The following VPS11 variants were observed in gnomAD, a reference collection of about 807,000 sequenced individuals.
The protein encoded by VPS11 is vacuolar protein sorting-associated protein 11 homolog.
In VPS11, 51 loss-of-function variants were observed where a neutral mutation model predicts 106.8. That is an observed-to-expected ratio of 0.48 (90% CI 0.38 to 0.60). The LOEUF is 0.60. Ranked by LOEUF, VPS11 falls within the 20% of genes least tolerant of loss-of-function variation. The pLI is 0.00. For missense variants in VPS11, 950 were observed against 1,190.0 expected, an observed-to-expected ratio of 0.80 and a Z score of 2.97; for synonymous variants, 453 against 458.7, an observed-to-expected ratio of 0.99 and a Z score of 0.16.
intron 3 of VPS11, 119 bp downstream of exon 3, chr11:119,069,696 G>C (rs539585479): frequency 1.4e-6 from 2 of 1,429,810 alleles, no homozygotes; most frequent in Non-Finnish European, 1.9e-6. Flanking sequence ...AGGCCTTTGC[G>C]ATATTAAATT....
In VPS11 at chr11:119,075,126, G is replaced by A. The variant is rs570737863; in HGVS notation, c.1238+1175G>A. Reference sequence around the variant, plus strand: ...CTAAAAAATACAAAAAATTAGCTGGGTGTCGTGGCGGGCGCCTGTAGTCCC... The same window carrying A: ...CTAAAAAATACAAAAAATTAGCTGGATGTCGTGGCGGGCGCCTGTAGTCCC... On this transcript the variant is annotated intron_variant, in intron 7 of 15. Transcript: ENST00000621676. Among the ~76,000 whole-genome samples the A allele has an allele frequency of 2.6e-5, 4 of 152,104 alleles. 1 individual carries two copies. Among genetic ancestry groups the A allele is most frequent in the Admixed American group, 1.3e-4 (2 of 15,274 alleles).
intron 5 of VPS11, chr11:119,072,671 T>G (rs900871772): frequency 1.3e-5 from 2 of 158,608 alleles, no homozygotes; most frequent in Non-Finnish European, 2.8e-5. Context: ...ATTACAGGCG[T>G]GAGCCACTGC....
At chr11:119,068,984 CAG>C (rs1491379084) in intron 1 of VPS11, among the ~76,000 whole-genome samples, 1 of 94,032 alleles carries the variant, frequency 1.1e-5, no homozygotes, top group African/African-American at 4.2e-5. Flanking sequence ...CCCCTGACCT[CAG>C]GTGATCCGCA....
intron 9 of VPS11, 44 bp from the exon 10 acceptor site, chr11:119,077,834 C>T: frequency 6.3e-7 from 1 of 1,598,336 alleles, no homozygotes; most frequent in Non-Finnish European, 8.5e-7. Context: ...TTCCTGGTGG[C>T]TGAGGCAGGA....
intron 8 of VPS11, 105 bp from the exon 9 acceptor site, chr11:119,077,396 G>A (rs1945664020): frequency 7.0e-7 from 1 of 1,434,740 alleles, no homozygotes. Flanking sequence ...TTCAAAGTGT[G>A]AACGTTATGA....
Position 119,081,715 on chromosome 11 carries a change from A to G in VPS11, c.*92A>G, listed in dbSNP as rs782218076. 2.7e-6 allele frequency: 4 copies of G among 1,491,668 alleles called. No homozygotes were observed. Among genetic ancestry groups the G allele is most frequent in the Non-Finnish European group, 3.6e-6 (4 of 1,106,608 alleles). 92.4% of individuals were successfully genotyped at this position (1,491,668 alleles called of 1,614,324 possible). ...GGCGTTACACAGAAGGCTGGCTGACATGCCCAGGGCTCCACTCTCATCTAA... is the reference window on the plus strand; with the variant it reads ...GGCGTTACACAGAAGGCTGGCTGACGTGCCCAGGGCTCCACTCTCATCTAA... On this transcript the variant is annotated 3_prime_UTR_variant, in exon 16 of 16. Coordinates refer to ENST00000621676, the MANE Select transcript of VPS11 (RefSeq NM_021729.6).
chr11:119,081,181 A>AC lies in VPS11; in HGVS notation c.2530dup (p.Gln844ProfsTer5). ...CACTTCCTGTGTGGCCACTCCTTCC[A>AC]CCAACACTGCTTTGAGAGTTACTCG... On this transcript the variant is annotated frameshift_variant, in exon 15 of 16. Transcript: ENST00000621676. LOFTEE classifies it high-confidence loss of function. 1 of 1,613,930 alleles carries AC rather than the reference A, an allele frequency of 6.2e-7. No homozygotes were observed. The highest frequency in any genetic ancestry group is 8.5e-7 in the Non-Finnish European group (1 of 1,179,862).
At chr11:119,071,526 G>A in intron 4 of VPS11, 70 bp from the exon 5 acceptor site, 1 of 1,571,760 alleles carries the variant, frequency 6.4e-7, no homozygotes, top group Non-Finnish European at 8.7e-7. Flanking sequence ...ATGGAGATGG[G>A]AATACCTTTG....
Position 119,068,009 on chromosome 11 carries a change from A to G in VPS11, c.186A>G (p.Gly62=). The change falls in exon 1 of 16, where the codon GGA becomes GGG. Residue 62 remains glycine, a splice_region_variant and synonymous_variant. Transcript: ENST00000621676. ...CDSGRGSLVF[G]DMEGQIWFLP... is the part of the protein sequence containing the mutation. The stretch of plus-strand genomic sequence containing the variant: ...CAGGCCGAGGGAGCCTGGTCTTTGG[A>G]GATATCCTTCGTTTGGAGCTGTCTT... 6.2e-7 allele frequency: 1 copy of G among 1,601,662 alleles called. No individual in the cohort carries two copies. Among genetic ancestry groups the G allele is most frequent in the Non-Finnish European group, 8.5e-7 (1 of 1,171,210 alleles).
In VPS11 at chr11:119,078,695, AG is replaced by A. The variant is rs1565744015; in HGVS notation, c.2058del (p.Lys687SerfsTer69). 6.2e-7 allele frequency: 1 copy of A among 1,611,576 alleles called. No individual in the cohort carries two copies. Among genetic ancestry groups the A allele is most frequent in the African/African-American group, 1.3e-5 (1 of 75,002 alleles). ...GATGGTGTCCTTTACCTTTATGAGC[AG>A]GGGAAGCTGTAAGAGTTTGGGGAAT... ...FQDGVLYLYE[Q>X]GKLFQQIMHY... On this transcript the variant is annotated frameshift_variant, in exon 12 of 16. Transcript: ENST00000621676. LOFTEE classifies it high-confidence loss of function.
At chr11:119,080,660 T>C (rs1384245919) in intron 14 of VPS11, among the ~76,000 whole-genome samples, 1 of 152,186 alleles carries the variant, frequency 6.6e-6, no homozygotes, top group Non-Finnish European at 1.5e-5. Context: ...TGAGCCACTG[T>C]GCCCAGCCAA....
In VPS11 at chr11:119,073,805, G is replaced by T. The variant is rs1451759741; in HGVS notation, c.1092G>T (p.Leu364=). The T allele has an allele frequency of 6.2e-7, 1 of 1,609,420 alleles. No homozygotes were observed. Among genetic ancestry groups the T allele is most frequent in the East Asian group, 2.2e-5 (1 of 44,734 alleles). The part of the protein sequence containing the change: ...EKDTQTKLEM[L]FKKNLFEMAI... ...TAATCTCTCTTCCCTTCTAGATGCT[G>T]TTTAAGAAGAACCTATTTGAGATGG... is the stretch of plus-strand genomic sequence containing the variant. The change falls in exon 7 of 16, where the codon CTG becomes CTT. Residue 364 remains leucine (L), a synonymous_variant. Coordinates refer to ENST00000621676, the MANE Select transcript of VPS11 (RefSeq NM_021729.6).
At position 119,068,443 on chromosome 11, in the gene VPS11, C is replaced by CTTTTTTTTTTTTTTTTTTTTT. The variant is rs1945208004; in HGVS notation, c.187+433_187+434insTTTTTTTTTTTTTTTTTTTTT. Reference sequence around the variant, plus strand: ...CTGCTACTAAATTCTGGCCTTTTTACCTTTTTTTTTTTTTTTTTTTTTTTG... The same window carrying CTTTTTTTTTTTTTTTTTTTTT: ...CTGCTACTAAATTCTGGCCTTTTTACTTTTTTTTTTTTTTTTTTTTTCTTTTTTTTTTTTTTTTTTTTTTTG... On this transcript the variant is annotated intron_variant, in intron 1 of 15. Coordinates refer to ENST00000621676, the MANE Select transcript of VPS11 (RefSeq NM_021729.6). 3.4e-4 allele frequency among the ~76,000 whole-genome samples: 12 copies of CTTTTTTTTTTTTTTTTTTTTT among 35,796 alleles called. 6 individuals are homozygous for CTTTTTTTTTTTTTTTTTTTTT. Among genetic ancestry groups the CTTTTTTTTTTTTTTTTTTTTT allele is most frequent in the Non-Finnish European group, 4.9e-4 (6 of 12,250 alleles). 23.5% of individuals were successfully genotyped at this position (35,796 alleles called of 152,430 possible).
At chr11:119,068,087 AG>A (rs1945191548) in intron 1 of VPS11, 77 bp downstream of exon 1, 1 of 1,460,600 alleles carries the variant, frequency 6.8e-7, no homozygotes, top group Non-Finnish European at 9.2e-7. Context: ...TGTTTGTCGG[AG>A]GGGTCCGTGC....
chr11:119,081,505 G>A lies in VPS11; in HGVS notation c.2708G>A (p.Gly903Asp), dbSNP rs1432534559. The change falls in exon 16 of 16, where the codon GGC becomes GAC. Residue 903 changes from glycine (G) to aspartate (D), a missense_variant. Gly to Asp is a moderately conservative substitution (Grantham distance 94). Coordinates refer to ENST00000621676, the MANE Select transcript of VPS11 (RefSeq NM_021729.6). Reference protein sequence around the residue: ...DSFSVIADYFGRGVFNKLTLL... With the variant: ...DSFSVIADYFDRGVFNKLTLL... ...TTTTCTGTGATTGCTGACTACTTTG[G>A]CAGAGGTGTTTTCAACAAATTGACT... 6.2e-7 allele frequency: 1 copy of A among 1,613,970 alleles called. No homozygotes were observed. The highest frequency in any genetic ancestry group is 8.5e-7 in the Non-Finnish European group (1 of 1,179,890).
rs1000991347 is a variant in VPS11 at position 119,071,709 on chromosome 11, C to T, written c.750C>T (p.Ala250=). The T allele has an allele frequency of 2.5e-6, 4 of 1,614,002 alleles. No homozygotes were observed. The highest frequency in any genetic ancestry group is 1.1e-5 in the South Asian group (1 of 91,074). The change falls in exon 5 of 16, where the codon GCC becomes GCT. Residue 250 remains alanine (A), a synonymous_variant. Transcript: ENST00000621676. ...CTCAGGACCTGCAGTTCATTGTGGC[C>T]GGGGATGAGTGTGTCTACTTGTACC... ...DPSQDLQFIV[A]GDECVYLYQP... is the part of the protein sequence containing the mutation.
At chr11:119,073,493 C>A (rs1255341962) in intron 6 of VPS11, 94 bp downstream of exon 6, 1 of 1,437,172 alleles carries the variant, frequency 7.0e-7, no homozygotes, top group Non-Finnish European at 9.4e-7. Context: ...GTGTTTCCCT[C>A]CTTGTGGGTC....
rs1203243613 is a variant in VPS11, at chr11:119,079,122, A to G, written c.2267-7A>G. 3.7e-6 allele frequency: 6 copies of G among 1,612,890 alleles called. No homozygotes were observed. Among genetic ancestry groups the G allele is most frequent in the Admixed American group, 1.7e-5 (1 of 59,956 alleles). On this transcript the variant is annotated splice_polypyrimidine_tract_variant and splice_region_variant and intron_variant, in intron 13 of 15. Coordinates refer to ENST00000621676, the MANE Select transcript of VPS11 (RefSeq NM_021729.6). Reference sequence around the variant, plus strand: ...TTGTCTTGTTTCCTCTTGGACCCCAATCTCAGTGGTGCAGACCCTGGCCCA... The same window carrying G: ...TTGTCTTGTTTCCTCTTGGACCCCAGTCTCAGTGGTGCAGACCCTGGCCCA...
rs782289074 is a variant in VPS11 at position 119,071,761 on chromosome 11, G to T, written c.802G>T (p.Ala268Ser). 1 of 1,613,964 alleles carries T rather than the reference G, an allele frequency of 6.2e-7. No individual in the cohort carries two copies. ...GCCTGATGAACGTGGGCCCTGCTTCGCCTTTGAGGGCCATAAGCTCATTGC... is the reference window on the plus strand; with the variant it reads ...GCCTGATGAACGTGGGCCCTGCTTCTCCTTTGAGGGCCATAAGCTCATTGC... Reference protein sequence around the residue: ...YQPDERGPCFAFEGHKLIAHW... With the variant: ...YQPDERGPCFSFEGHKLIAHW... Residue 268 changes from alanine (A) to serine (S), a missense_variant, in exon 5 of 16, where the codon GCC (alanine) becomes TCC (serine). Physicochemically the swap from Ala to Ser is moderately conservative, Grantham distance 99. Around this residue, in one of 3 missense-constraint regions of VPS11, gnomAD observed 435 missense variants for 630.2 expected, o/e 0.69. Coordinates refer to ENST00000621676, the MANE Select transcript of VPS11 (RefSeq NM_021729.6).
Sources: gnomAD v4.1 joint callset for allele counts (sites outside exome capture counted in the v4.1 genomes callset) on GRCh38, gnomAD v4.1.1 for gene constraint, gnomAD v4.1.1 regional missense constraint, MANE v1.5 for transcripts, NCBI Gene and HGNC (gene_info 2026-07-23, HGNC 2026-07-21) for gene names.